Variants in NHLRC2 observed in about 807,000 individuals in gnomAD.
NHLRC2 encodes the protein NHL repeat containing 2, also known as NHL repeat-containing protein 2.
Under a neutral mutation model 68.1 loss-of-function variants are expected in NHLRC2, and 33 were observed. The observed-to-expected ratio is 0.48, with a 90% CI of 0.37 to 0.65. The LOEUF (loss-of-function observed/expected upper bound fraction) is 0.65, where lower values mean the gene tolerates loss of function less well. Among genes scored for constraint, NHLRC2 ranks in the 30% least tolerant of loss-of-function variants. The pLI is 0.00. For missense variants in NHLRC2, 761 were observed against 853.8 expected (o/e 0.89, Z 1.35); for synonymous variants, 311 against 309.6 (o/e 1.00, Z -0.05).
chr10:113,906,807 G>A (rs1846279714), intron 10 of NHLRC2, among the ~76,000 whole-genome samples: 2 of 152,140 alleles, frequency 1.3e-5, no homozygotes, highest in Admixed American at 6.6e-5. Context: ...GGCTAACACG[G>A]TGAAACCCAT....
rs1846324114 is a variant in NHLRC2, at chr10:113,911,088, G to A, written c.*2552G>A. 6.6e-6 allele frequency: 1 copy of A among 152,086 alleles called. No homozygotes were observed. Among genetic ancestry groups the A allele is most frequent in the Non-Finnish European group, 1.5e-5 (1 of 67,982 alleles). The allele number at this position is 152,086 out of a possible 1,614,324, so 9.4% of individuals were successfully genotyped here. A position where few individuals can be genotyped will look rare whatever the true frequency, so the allele number is the denominator to read the frequency against. On this transcript the variant is annotated 3_prime_UTR_variant, in exon 11 of 11. Coordinates refer to ENST00000369301, the MANE Select transcript of NHLRC2 (RefSeq NM_198514.4). ...CTTTTCTTGTTGGATAAATTATTAT[G>A]TCCAGTGATAGTTTAAAAAGAACAA...
chr10:113,908,264 C>A lies in NHLRC2; in HGVS notation c.1925-16C>A. On this transcript the variant is annotated splice_polypyrimidine_tract_variant and intron_variant, in intron 10 of 10. Coordinates refer to ENST00000369301, the MANE Select transcript of NHLRC2 (RefSeq NM_198514.4). ...TTATCTTATACAGTCTTAATAATTT[C>A]ATTTTTGATTTTTAGGCAATGAATG... is the stretch of plus-strand genomic sequence containing the variant. 6.2e-7 allele frequency: 1 copy of A among 1,604,046 alleles called. No individual in the cohort carries two copies. The highest frequency in any genetic ancestry group is 8.5e-7 in the Non-Finnish European group (1 of 1,171,224).
intron 4 of NHLRC2, among the ~76,000 whole-genome samples, chr10:113,882,787 C>T (rs984070903): frequency 6.6e-6 from 1 of 151,604 alleles, no homozygotes; most frequent in African/African-American, 2.4e-5. Flanking sequence ...TAATTATTTA[C>T]CCCTGTGTTT....
intron 5 of NHLRC2, among the ~76,000 whole-genome samples, chr10:113,889,042 T>A (rs545687606): frequency 1.3e-5 from 2 of 151,948 alleles, no homozygotes; most frequent in Non-Finnish European, 1.5e-5. Flanking sequence ...GGCCAGGCTG[T>A]TCTCTAACTC....
rs184540367 is a variant in NHLRC2 at position 113,871,105 on chromosome 10, A to G, written c.332-5416A>G. Among the ~76,000 whole-genome samples the G allele has an allele frequency of 4.8e-5, 7 of 146,740 alleles. 1 individual carries two copies. The highest frequency in any genetic ancestry group is 1.5e-4 in the African/African-American group (6 of 39,194). On this transcript the variant is annotated intron_variant, in intron 2 of 10. Coordinates refer to ENST00000369301, the MANE Select transcript of NHLRC2 (RefSeq NM_198514.4). ...AGTGGCGTGATCTCGGTTCACCGCA[A>G]CGTTTGCCTCTCAGGTTCAAGCAAT...
At chr10:113,858,925 A>G (rs1183158210) in intron 2 of NHLRC2, 1 of 325,712 alleles carries the variant, frequency 3.1e-6, no homozygotes, top group Non-Finnish European at 5.5e-6. Flanking sequence ...TAGGGGCATA[A>G]TTTGCTATTT....
chr10:113,888,825 C>CTTT (rs553815478), intron 5 of NHLRC2, among the ~76,000 whole-genome samples: 3 of 132,978 alleles, frequency 2.3e-5, no homozygotes, highest in Non-Finnish European at 3.3e-5. Flanking sequence ...CTATCAGTAT[C>CTTT]TTTTTTTTTT....
chr10:113,901,272 G>A (rs1052701973), intron 6 of NHLRC2, among the ~76,000 whole-genome samples: 15 of 152,306 alleles, frequency 9.8e-5, no homozygotes, highest in Non-Finnish European at 1.9e-4. Flanking sequence ...AGAGCTAGAT[G>A]ATCTTTTTAG....
chr10:113,854,857 G>A lies in NHLRC2; in HGVS notation c.-16G>A. 6.5e-7 allele frequency: 1 copy of A among 1,537,096 alleles called. No homozygotes were observed. Among genetic ancestry groups the A allele is most frequent in the Non-Finnish European group, 8.8e-7 (1 of 1,141,820 alleles). ...TCCCGCGGGCCCGGCGGCCGCATCG[G>A]GAGCCCGGCGGAAACATGGCGGCGC... On this transcript the variant is annotated 5_prime_UTR_variant, in exon 1 of 11. Coordinates refer to ENST00000369301, the MANE Select transcript of NHLRC2 (RefSeq NM_198514.4).
intron 1 of NHLRC2, 75 bp downstream of exon 1, chr10:113,855,125 C>A: frequency 7.4e-7 from 1 of 1,344,758 alleles, no homozygotes; most frequent in Non-Finnish European, 1.0e-6. Context: ...TCCCGCGAAG[C>A]GGTGGGCTAG....
chr10:113,862,514 G>A (rs1234027832), intron 2 of NHLRC2, among the ~76,000 whole-genome samples: 2 of 151,034 alleles, frequency 1.3e-5, no homozygotes, highest in East Asian at 1.9e-4. Context: ...TAGAAAATGA[G>A]GGACAAAAAA....
chr10:113,905,028 C>A lies in NHLRC2; in HGVS notation c.1916C>A (p.Thr639Lys). 2.0e-6 allele frequency: 3 copies of A among 1,499,876 alleles called. No individual in the cohort carries two copies. The highest frequency in any genetic ancestry group is 2.7e-6 in the Non-Finnish European group (3 of 1,116,058). The allele number at this position is 1,499,876 out of a possible 1,614,324, so 92.9% of individuals were successfully genotyped here. Residue 639 changes from threonine to lysine, a missense_variant, in exon 10 of 11, where the codon ACA (threonine) becomes AAA (lysine). Thr to Lys is a moderately conservative substitution (Grantham distance 78, BLOSUM62 -1). Transcript: ENST00000369301. ...GGAGTATCCAGTTGCTGGTTTCTAACAGCTGAAGGTATGAGTATAAGCTTG... is the reference window on the plus strand; with the variant it reads ...GGAGTATCCAGTTGCTGGTTTCTAAAAGCTGAAGGTATGAGTATAAGCTTG... ...TEGVSSCWFLTAEGNEWLLQG... is the reference protein window; with the variant it reads ...TEGVSSCWFLKAEGNEWLLQG...
intron 5 of NHLRC2, among the ~76,000 whole-genome samples, chr10:113,889,419 C>T (rs1310329164): frequency 6.6e-6 from 1 of 151,990 alleles, no homozygotes; most frequent in Admixed American, 6.6e-5. Flanking sequence ...TTAAAAAAAT[C>T]AGATGACACG....
intron 5 of NHLRC2, among the ~76,000 whole-genome samples, chr10:113,890,368 C>G (rs4414175): frequency 0.012 from 1,771 of 152,212 alleles, 40 homozygotes; most frequent in African/African-American, 0.04. Flanking sequence ...CACAAGACAC[C>G]TGTTTTAATA....
intron 2 of NHLRC2, among the ~76,000 whole-genome samples, chr10:113,862,798 G>A (rs1845829425): frequency 6.6e-6 from 1 of 152,070 alleles, no homozygotes; most frequent in South Asian, 2.1e-4. Context: ...CAGACAAAAT[G>A]GACTTTAGAT....
rs41292638 is a variant in NHLRC2, at chr10:113,879,701, T to A, written c.909+6T>A. ...AAAACCACCTTATAAGAAAGGTAATTTTCATTTTAAATTTGTTTTAATACT... is the reference window on the plus strand; with the variant it reads ...AAAACCACCTTATAAGAAAGGTAATATTCATTTTAAATTTGTTTTAATACT... On this transcript the variant is annotated splice_donor_region_variant and intron_variant, in intron 4 of 10. Transcript: ENST00000369301. 20,123 of 1,448,580 alleles carry A rather than the reference T, an allele frequency of 0.014. 202 individuals carry two copies. Among genetic ancestry groups the A allele is most frequent in the Non-Finnish European group, 0.015 (16,051 of 1,065,420 alleles). The allele number at this position is 1,448,580 out of a possible 1,614,324, so 89.7% of individuals were successfully genotyped here.
In NHLRC2 at chr10:113,884,327, A is replaced by G. The variant is rs1233832518; in HGVS notation, c.986A>G (p.Lys329Arg). The G allele has an allele frequency of 6.2e-7, 1 of 1,610,980 alleles. No individual in the cohort carries two copies. ...IQGTDKEGGA[K>R]GEQQPISSPW... ...GGTACAGATAAAGAAGGTGGAGCAAAAGGAGAACAACAACCCATTAGTTCC... is the reference window on the plus strand; with the variant it reads ...GGTACAGATAAAGAAGGTGGAGCAAGAGGAGAACAACAACCCATTAGTTCC... Residue 329 changes from lysine (K) to arginine (R), a missense_variant, in exon 5 of 11, where the codon AAA (lysine) becomes AGA (arginine). Lys to Arg is a conservative substitution (Grantham distance 26). Transcript: ENST00000369301.
intron 5 of NHLRC2, 75 bp downstream of exon 5, chr10:113,884,455 T>G: frequency 8.4e-7 from 1 of 1,197,098 alleles, no homozygotes; most frequent in Non-Finnish European, 1.2e-6. Context: ...CTTGAGGTGG[T>G]CATTTGGATT....
intron 6 of NHLRC2, among the ~76,000 whole-genome samples, chr10:113,900,935 C>T (rs937423657): frequency 1.3e-5 from 2 of 152,210 alleles, no homozygotes; most frequent in African/African-American, 4.8e-5. Context: ...AACACACTAC[C>T]ATGTCTTTTT....
Sources: allele counts gnomAD v4.1 joint callset (sites outside exome capture counted in the v4.1 genomes callset), GRCh38; gene constraint gnomAD v4.1.1; transcripts MANE v1.5; gene names NCBI Gene and HGNC (gene_info 2026-07-23, HGNC 2026-07-21).